PLPPR1: variants seen among roughly 807,000 people sequenced by gnomAD.
PLPPR1 encodes the protein phospholipid phosphatase related 1.
Under a neutral mutation model 33.1 loss-of-function variants are expected in PLPPR1, and 10 were observed. The ratio of observed to expected loss-of-function variants is 0.30; its 90% CI spans 0.19 to 0.51. The LOEUF is 0.51. PLPPR1 is among the 20% of genes least tolerant of loss of function. The probability of loss-of-function intolerance (pLI) is 0.97; values close to 1 mark genes in which losing one functional copy is unlikely to be tolerated. For missense variants in PLPPR1, 304 were observed against 408.1 expected, an observed-to-expected ratio of 0.74 and a Z score of 2.20; for synonymous variants, 151 against 151.0, an observed-to-expected ratio of 1.00 and a Z score of 0.00.
intron 2 of PLPPR1, among the ~76,000 whole-genome samples, chr9:101,251,307 G>T (rs1827708858): frequency 6.6e-6 from 1 of 152,026 alleles, no homozygotes; most frequent in Non-Finnish European, 1.5e-5. Flanking sequence ...TTAAACTGTT[G>T]TAAAGCAGGG....
chr9:101,079,786 G>A (rs1174672554), intron 1 of PLPPR1, among the ~76,000 whole-genome samples: 1 of 152,058 alleles, frequency 6.6e-6, no homozygotes, highest in Admixed American at 6.5e-5. Context: ...CACCATGTTG[G>A]TCAGGCTAGT....
intron 2 of PLPPR1, among the ~76,000 whole-genome samples, chr9:101,260,348 G>A (rs939665671): frequency 3.9e-5 from 6 of 152,040 alleles, no homozygotes; most frequent in African/African-American, 9.7e-5. Context: ...ATGATGGCAC[G>A]GAGAGGTTGA....
At chr9:101,171,135 A>G (rs1021253843) in intron 1 of PLPPR1, among the ~76,000 whole-genome samples, 1 of 152,134 alleles carries the variant, frequency 6.6e-6, no homozygotes, top group African/African-American at 2.4e-5. Context: ...CAAAGGATTC[A>G]TAAAGGTAAA....
chr9:101,059,083 A>G (rs1174686659), intron 1 of PLPPR1, among the ~76,000 whole-genome samples: 2 of 152,140 alleles, frequency 1.3e-5, no homozygotes. Flanking sequence ...TTTACCAGCA[A>G]GGGAGTTTTT....
intron 3 of PLPPR1, among the ~76,000 whole-genome samples, chr9:101,273,986 CT>C (rs1828143627): frequency 6.6e-6 from 1 of 152,202 alleles, no homozygotes; most frequent in African/African-American, 2.4e-5. Context: ...AGCAGAAGCT[CT>C]TCTCCAGGCT....
At chr9:101,198,641 T>G (rs983470259) in intron 2 of PLPPR1, among the ~76,000 whole-genome samples, 2 of 152,154 alleles carry the variant, frequency 1.3e-5, no homozygotes, top group African/African-American at 4.8e-5. Context: ...GAGCTTCCAG[T>G]CACCTGTCTG....
intron 4 of PLPPR1, among the ~76,000 whole-genome samples, chr9:101,302,066 T>A (rs1341769): frequency 3.3e-5 from 5 of 151,966 alleles, no homozygotes; most frequent in African/African-American, 1.2e-4. Flanking sequence ...CTTACTATTC[T>A]GTTTGTAACC....
At position 101,317,404 on chromosome 9, in the gene PLPPR1, T is replaced by A. The variant is rs1419348572; in HGVS notation, c.853T>A (p.Ser285Thr). The A allele has an allele frequency of 3.1e-6, 5 of 1,613,896 alleles. No homozygotes were observed. Among genetic ancestry groups the A allele is most frequent in the Non-Finnish European group, 4.2e-6 (5 of 1,179,996 alleles). ...TCATAACTTTAAAGGAACGCAAGGA[T>A]CTCCTTCCAAACCCAAGCCTGAGGA... ...VVHNFKGTQG[S>T]PSKPKPEDPR... The change falls in exon 7 of 8, where the codon TCT (serine) becomes ACT (threonine). Residue 285 changes from serine (S) to threonine (T), a missense_variant. Transcript: ENST00000374874.
intron 2 of PLPPR1, among the ~76,000 whole-genome samples, chr9:101,245,431 T>TTGAC (rs1266501330): frequency 6.6e-6 from 1 of 151,972 alleles, no homozygotes; most frequent in Non-Finnish European, 1.5e-5. Flanking sequence ...CAGAAAAATG[T>TTGAC]TGACCTCTTT....
chr9:101,293,716 C>G (rs904187399), intron 4 of PLPPR1, among the ~76,000 whole-genome samples: 1 of 151,912 alleles, frequency 6.6e-6, no homozygotes, highest in Non-Finnish European at 1.5e-5. Flanking sequence ...GGGTACATAA[C>G]GAAATGAAGG....
chr9:101,225,387 C>T (rs150393529), intron 2 of PLPPR1, among the ~76,000 whole-genome samples: 6 of 152,170 alleles, frequency 3.9e-5, no homozygotes, highest in South Asian at 2.1e-4. Flanking sequence ...TAGCAGGCAC[C>T]GCAGATGGAT....
At chr9:101,209,497 A>G (rs1352377395) in intron 2 of PLPPR1, among the ~76,000 whole-genome samples, 13 of 152,226 alleles carry the variant, frequency 8.5e-5, no homozygotes, top group African/African-American at 3.1e-4. Flanking sequence ...TCAGTCCATC[A>G]GCACCTCCAC....
At chr9:101,129,220 T>C (rs369121139) in intron 1 of PLPPR1, among the ~76,000 whole-genome samples, 66 of 152,184 alleles carry the variant, frequency 4.3e-4, no homozygotes, top group African/African-American at 1.5e-3. Context: ...CTATATCAAA[T>C]GTTGGCAAAG....
chr9:101,091,626 A>C (rs1382964864), intron 1 of PLPPR1, among the ~76,000 whole-genome samples: 2 of 152,160 alleles, frequency 1.3e-5, no homozygotes, highest in Non-Finnish European at 2.9e-5. Flanking sequence ...TAATCTCTAT[A>C]TTTAAGGTCA....
At position 101,215,429 on chromosome 9, in the gene PLPPR1, C is replaced by T. The variant is rs532368427; in HGVS notation, c.63+29872C>T. 1.1e-3 allele frequency among the ~76,000 whole-genome samples: 169 copies of T among 152,144 alleles called. 1 individual carries two copies. Among genetic ancestry groups the T allele is most frequent in the African/African-American group, 3.9e-3 (161 of 41,540 alleles). ...TGAGTAGCTGAGATCACAGGGCGTG[C>T]GCCACCATGCCCAGCCAAATTTTTT... On this transcript the variant is annotated intron_variant, in intron 2 of 7. Transcript: ENST00000374874.
At chr9:101,230,479 G>T (rs760258639) in intron 2 of PLPPR1, among the ~76,000 whole-genome samples, 1 of 152,116 alleles carries the variant, frequency 6.6e-6, no homozygotes, top group Non-Finnish European at 1.5e-5. Context: ...GGTATGCATA[G>T]CTCAGCATCT....
At chr9:101,222,955 GAA>G (rs1412300226) in intron 2 of PLPPR1, among the ~76,000 whole-genome samples, 1 of 151,856 alleles carries the variant, frequency 6.6e-6, no homozygotes, top group African/African-American at 2.4e-5. Flanking sequence ...TAGTGACAGT[GAA>G]AGAGGCTACA....
At chr9:101,303,178 T>C (rs962930501) in intron 4 of PLPPR1, among the ~76,000 whole-genome samples, 1 of 150,906 alleles carries the variant, frequency 6.6e-6, no homozygotes, top group Non-Finnish European at 1.5e-5. Context: ...AGGACAGGGT[T>C]TTATCATGCT....
chr9:101,223,504 G>A (rs1297468324), intron 2 of PLPPR1, among the ~76,000 whole-genome samples: 1 of 152,114 alleles, frequency 6.6e-6, no homozygotes. Flanking sequence ...TAGGCTTTGT[G>A]TCCCCACCCA....
Sources: allele counts gnomAD v4.1 joint callset (sites outside exome capture counted in the v4.1 genomes callset), GRCh38; gene constraint gnomAD v4.1.1; transcripts MANE v1.5; gene names NCBI Gene and HGNC (gene_info 2026-07-23, HGNC 2026-07-21).